Variants in CELSR1 observed in about 807,000 individuals in gnomAD.
The protein encoded by CELSR1 is cadherin EGF LAG seven-pass G-type receptor 1.
CELSR1 carries 110 observed loss-of-function variants against 249.1 expected under a neutral mutation model. That is an observed-to-expected ratio of 0.44 (90% CI 0.38 to 0.52). CELSR1 has a LOEUF of 0.52. Ranked by LOEUF, CELSR1 falls within the 20% of genes least tolerant of loss-of-function variation. The probability of loss-of-function intolerance (pLI) is 0.00; values close to 1 mark genes in which losing one functional copy is unlikely to be tolerated. For synonymous variants in CELSR1, 2,113 were observed against 1,900.0 expected (o/e 1.11, Z -2.92); for missense variants, 4,109 against 4,296.4 (o/e 0.96, Z 1.22).
rs1263665602 is a variant in CELSR1, at chr22:46,408,826, G to A, written c.5226+170C>T. On this transcript the variant is annotated intron_variant, in intron 9 of 34. Coordinates refer to ENST00000674500, the MANE Select transcript of CELSR1 (RefSeq NM_001378328.1). The surrounding 1 kb of genome is among the most constrained non-coding windows in gnomAD (Gnocchi z 4.6). ...CCCTCGCTGTCTCCGCCTCCCAGAG[G>A]AAAGAAAGGGCTGATATTCCCCTTC... Among the ~76,000 whole-genome samples, 1 of 152,238 alleles carries A rather than the reference G, an allele frequency of 6.6e-6. No individual in the cohort carries two copies. Among genetic ancestry groups the A allele is most frequent in the Non-Finnish European group, 1.5e-5 (1 of 68,028 alleles).
At position 46,410,260 on chromosome 22, in the gene CELSR1, G is replaced by T. The variant is rs2079317201; in HGVS notation, c.4933+138C>A. ...CTGGACTCCGGGTTCCATCCCAGGAGCTGCCCACCGCTGGACACATACATT... is the reference window on the plus strand; with the variant it reads ...CTGGACTCCGGGTTCCATCCCAGGATCTGCCCACCGCTGGACACATACATT... On this transcript the variant is annotated intron_variant, in intron 7 of 34. Transcript: ENST00000674500. This position sits in a 1 kb window ranked among gnomAD's most constrained non-coding sequence, Gnocchi z 6.8. 3 of 1,065,430 alleles carry T rather than the reference G, an allele frequency of 2.8e-6. No individual in the cohort carries two copies. Among genetic ancestry groups the T allele is most frequent in the Non-Finnish European group, 4.1e-6 (3 of 739,346 alleles). The allele number at this position is 1,065,430 out of a possible 1,614,324, so 66.0% of individuals were successfully genotyped here.
chr22:46,389,725 G>A (rs2079069013), intron 17 of CELSR1, among the ~76,000 whole-genome samples: 1 of 152,186 alleles, frequency 6.6e-6, no homozygotes, highest in Admixed American at 6.5e-5. Flanking sequence ...AGACCAGCCT[G>A]TCCAATATGG....
intron 1 of CELSR1, among the ~76,000 whole-genome samples, chr22:46,513,812 G>C (rs946568086): frequency 1.4e-4 from 22 of 152,248 alleles, no homozygotes; most frequent in Admixed American, 1.4e-3. Flanking sequence ...GTTGTTTTGA[G>C]ACGGAGTCTT....
chr22:46,535,497 G>A lies in CELSR1; in HGVS notation c.1674C>T (p.Val558=). 6.2e-7 allele frequency: 1 copy of A among 1,612,688 alleles called. No individual in the cohort carries two copies. Among genetic ancestry groups the A allele is most frequent in the South Asian group, 1.1e-5 (1 of 91,068 alleles). ...SGVVSVQVLD[V]NDNEPIFVSS... is the part of the protein sequence containing the mutation. ...TCACAAAGATAGGCTCGTTGTCGTT[G>A]ACATCCAGCACCTGCACAGACACCA... Residue 558 remains valine, a synonymous_variant, in exon 1 of 35, where the codon GTC becomes GTT. Coordinates refer to ENST00000674500, the MANE Select transcript of CELSR1 (RefSeq NM_001378328.1).
chr22:46,409,282 A>T lies in CELSR1; in HGVS notation c.5060-120T>A. 1 of 1,036,158 alleles carries T rather than the reference A, an allele frequency of 9.7e-7. No individual in the cohort carries two copies. Among genetic ancestry groups the T allele is most frequent in the Non-Finnish European group, 1.4e-6 (1 of 725,214 alleles). The allele number at this position is 1,036,158 out of a possible 1,614,324, so 64.2% of individuals were successfully genotyped here. On this transcript the variant is annotated intron_variant, in intron 8 of 34. Coordinates refer to ENST00000674500, the MANE Select transcript of CELSR1 (RefSeq NM_001378328.1). This position sits in a 1 kb window ranked among gnomAD's most constrained non-coding sequence, Gnocchi z 9.8. Reference sequence around the variant, plus strand: ...CTGGGCCTTTTTCACTTTAACACGAAGGTGGGTCTGAGCCTCCCCTCTGTG... The same window carrying T: ...CTGGGCCTTTTTCACTTTAACACGATGGTGGGTCTGAGCCTCCCCTCTGTG...
chr22:46,485,288 C>T (rs899658029), intron 1 of CELSR1, among the ~76,000 whole-genome samples: 17 of 152,126 alleles, frequency 1.1e-4, no homozygotes, highest in African/African-American at 4.1e-4. Flanking sequence ...AAACTCTCAC[C>T]TCACATTGGG....
chr22:46,487,731 T>C (rs1020040122), intron 1 of CELSR1, among the ~76,000 whole-genome samples: 9 of 1,606 alleles, frequency 5.6e-3, no homozygotes, highest in African/African-American at 8.1e-3. Flanking sequence ...AGGTGGGGGG[T>C]GAGGGGGAGG....
chr22:46,453,213 C>T (rs1304697128), intron 2 of CELSR1, among the ~76,000 whole-genome samples: 2 of 152,168 alleles, frequency 1.3e-5, no homozygotes, highest in African/African-American at 4.8e-5. Flanking sequence ...CTGGAAGGGA[C>T]GTGCCCGGTG....
At position 46,433,196 on chromosome 22, in the gene CELSR1, T is replaced by G. The variant is rs2079616102; in HGVS notation, c.4611+197A>C. Among the ~76,000 whole-genome samples, 1 of 151,566 alleles carries G rather than the reference T, an allele frequency of 6.6e-6. No homozygotes were observed. The highest frequency in any genetic ancestry group is 2.1e-4 in the South Asian group (1 of 4,820). On this transcript the variant is annotated intron_variant, in intron 5 of 34. Transcript: ENST00000674500. The surrounding 1 kb of genome is among the most constrained non-coding windows in gnomAD (Gnocchi z 5.7). ...CACCCGCCACCACGCCCGGCTAATT[T>G]TTTAATTTTTGTATTTTTGGTAGAG...
At chr22:46,456,127 A>G (rs1378396737) in intron 2 of CELSR1, among the ~76,000 whole-genome samples, 2 of 152,274 alleles carry the variant, frequency 1.3e-5, no homozygotes, top group African/African-American at 4.8e-5. Flanking sequence ...ATTAACGCTC[A>G]AGTTTAAGGA....
At chr22:46,400,031 A>G (rs1602081816) in intron 9 of CELSR1, 129 bp from the exon 10 acceptor site, 1 of 1,019,376 alleles carries the variant, frequency 9.8e-7, no homozygotes, top group Non-Finnish European at 1.4e-6. Context: ...AGATAGGCTT[A>G]AAAATTAGGC....
intron 1 of CELSR1, among the ~76,000 whole-genome samples, chr22:46,531,928 G>T (rs538586746): frequency 4.1e-5 from 6 of 146,336 alleles, no homozygotes; most frequent in African/African-American, 1.3e-4. Context: ...GTCCACAAAG[G>T]AGCAGAGCCA....
intron 27 of CELSR1, 28 bp from the exon 28 acceptor site, chr22:46,367,883 C>T: frequency 1.3e-6 from 2 of 1,593,738 alleles, no homozygotes; most frequent in African/African-American, 1.3e-5. Context: ...CAGGCCTGTG[C>T]CCATCGCCAC....
At position 46,370,765 on chromosome 22, in the gene CELSR1, A is replaced by G. The variant is rs1248544473; in HGVS notation, c.7760-961T>C. 3.3e-5 allele frequency among the ~76,000 whole-genome samples: 5 copies of G among 152,246 alleles called. No individual in the cohort carries two copies. The East Asian group carries it at 9.6e-4, about 29-fold the overall frequency. On this transcript the variant is annotated intron_variant, in intron 25 of 34. Transcript: ENST00000674500. ...CCAGTTAACCAGGACCACTGAGGAC[A>G]GTCAGGGAAGCCCTGGATGGCCGGG...
At chr22:46,521,944 G>A (rs2147794339) in intron 1 of CELSR1, among the ~76,000 whole-genome samples, 1 of 152,278 alleles carries the variant, frequency 6.6e-6, no homozygotes, top group South Asian at 2.1e-4. Context: ...CACAGCACCT[G>A]CACCATTTTA....
intron 1 of CELSR1, among the ~76,000 whole-genome samples, chr22:46,502,659 A>T (rs1223271156): frequency 6.6e-6 from 1 of 152,192 alleles, no homozygotes; most frequent in Middle Eastern, 3.4e-3. Flanking sequence ...TCCCTGTGAA[A>T]TTGGTCTCAC....
chr22:46,461,604 T>C (rs1209647863), intron 2 of CELSR1, among the ~76,000 whole-genome samples: 1 of 152,124 alleles, frequency 6.6e-6, no homozygotes, highest in Non-Finnish European at 1.5e-5. Context: ...GCTTGCACAG[T>C]CCCCTCTACC....
rs116955906 is a variant in CELSR1 at position 46,450,013 on chromosome 22, G to A, written c.4184-10602C>T. ...ACAGGCACACACAGGGGTTCCCACCGCAGGGCAGTGGAGGCAGAGCCCCAG... is the reference window on the plus strand; with the variant it reads ...ACAGGCACACACAGGGGTTCCCACCACAGGGCAGTGGAGGCAGAGCCCCAG... On this transcript the variant is annotated intron_variant, in intron 2 of 34. Transcript: ENST00000674500. Among the ~76,000 whole-genome samples, 452 of 146,468 alleles carry A rather than the reference G, an allele frequency of 3.1e-3. 2 individuals carry two copies. Among genetic ancestry groups the A allele is most frequent in the Non-Finnish European group, 5.5e-3 (365 of 66,286 alleles).
In CELSR1 at chr22:46,396,829, C is replaced by T. The variant is rs761718793; in HGVS notation, c.5702-83G>A. 14 of 1,532,014 alleles carry T rather than the reference C, an allele frequency of 9.1e-6. No homozygotes were observed. The highest frequency in any genetic ancestry group is 2.0e-5 in the Admixed American group (1 of 51,024). 94.9% of individuals were successfully genotyped at this position (1,532,014 alleles called of 1,614,324 possible). A position where few individuals can be genotyped will look rare whatever the true frequency, so the allele number is the denominator to read the frequency against. ...AAATATCTGGAGCAACCTGTCCCCT[C>T]CAGAAGATCTGACTTTCCCTGGTAC... On this transcript the variant is annotated intron_variant, in intron 12 of 34. Coordinates refer to ENST00000674500, the MANE Select transcript of CELSR1 (RefSeq NM_001378328.1). This position sits in a 1 kb window ranked among gnomAD's most constrained non-coding sequence, Gnocchi z 6.4.
Sources: allele counts gnomAD v4.1 joint callset (sites outside exome capture counted in the v4.1 genomes callset), GRCh38; gene constraint gnomAD v4.1.1; non-coding constraint Gnocchi (gnomAD v3.1); transcripts MANE v1.5; gene names NCBI Gene and HGNC (gene_info 2026-07-23, HGNC 2026-07-21).